RAB17: variants seen among roughly 807,000 people sequenced by gnomAD.
The protein encoded by RAB17 is RAB17, member RAS oncogene family.
Under a neutral mutation model 19.3 loss-of-function variants are expected in RAB17, and 15 were observed. The observed-to-expected ratio is 0.78, with a 90% CI of 0.52 to 1.20. The LOEUF (loss-of-function observed/expected upper bound fraction) is 1.20. Among genes scored for constraint, RAB17 ranks in the 50% most tolerant of loss-of-function variants. RAB17 has a pLI of 0.00. For missense variants in RAB17, 262 were observed against 269.3 expected (o/e 0.97, Z 0.19); for synonymous variants, 110 against 112.8 (o/e 0.97, Z 0.16).
intron 2 of RAB17, 105 bp from the exon 3 acceptor site, chr2:237,578,260 C>T: frequency 8.4e-7 from 1 of 1,195,962 alleles, no homozygotes; most frequent in Non-Finnish European, 1.2e-6. Flanking sequence ...CTCAGAGGGA[C>T]AGCTGGCCAT....
At chr2:237,585,271 GCT>G (rs376955261) in intron 2 of RAB17, 305 of 167,376 alleles carry the variant, frequency 1.8e-3, no homozygotes, top group Non-Finnish European at 3.0e-3. Flanking sequence ...TGAAACCGAG[GCT>G]CTGATTCTGC....
intron 2 of RAB17, among the ~76,000 whole-genome samples, chr2:237,581,987 A>G (rs921671898): frequency 1.6e-4 from 25 of 152,210 alleles, no homozygotes; most frequent in African/African-American, 5.8e-4. Context: ...GTCCATGGGG[A>G]GGTCCAGCCC....
intron 2 of RAB17, chr2:237,579,445 C>T (rs1406662912): frequency 6.6e-6 from 1 of 152,166 alleles, no homozygotes; most frequent in East Asian, 1.9e-4. Flanking sequence ...TCCAGGCCTC[C>T]TCCAGCTTCA....
chr2:237,577,135 A>G (rs763121142), intron 4 of RAB17, 122 bp downstream of exon 4: 2 of 1,214,424 alleles, frequency 1.6e-6, no homozygotes, highest in African/African-American at 1.5e-5. Flanking sequence ...GTGTGTGCAC[A>G]TGTGTAAGTG....
At position 237,575,055 on chromosome 2, in the gene RAB17, C is replaced by T; in HGVS notation, c.603G>A (p.Lys201=). Residue 201 remains lysine (K), a synonymous_variant, in exon 6 of 6, where the codon AAG becomes AAA. Transcript: ENST00000264601. ...AGCATTTGGCCTGCCTCGCGGGCCC[C>T]TTGTTCAGAGCCACAGCTGCATCCC... is the stretch of plus-strand genomic sequence containing the variant. ...LRGDAAVALN[K]GPARQAKCCA... is the part of the protein sequence containing the mutation. 5 of 1,613,686 alleles carry T rather than the reference C, an allele frequency of 3.1e-6. No individual in the cohort carries two copies. Among genetic ancestry groups the T allele is most frequent in the Non-Finnish European group, 4.2e-6 (5 of 1,179,838 alleles).
At position 237,574,937 on chromosome 2, in the gene RAB17, G is replaced by T; in HGVS notation, c.*82C>A. The T allele has an allele frequency of 1.8e-6, 2 of 1,128,978 alleles. No homozygotes were observed. Among genetic ancestry groups the T allele is most frequent in the South Asian group, 3.4e-5 (2 of 58,238 alleles). 69.9% of individuals were successfully genotyped at this position (1,128,978 alleles called of 1,614,324 possible). A position where few individuals can be genotyped will look rare whatever the true frequency, so the allele number is the denominator to read the frequency against. On this transcript the variant is annotated 3_prime_UTR_variant, in exon 6 of 6. Transcript: ENST00000264601. ...TAGGGCTCGGGAGCAACCCAGCATTGACAGTGAATCAGAATCCACCTAGAG... is the reference window on the plus strand; with the variant it reads ...TAGGGCTCGGGAGCAACCCAGCATTTACAGTGAATCAGAATCCACCTAGAG...
rs942715012 is a variant in RAB17 at position 237,574,630 on chromosome 2, C to T, written c.*389G>A. 1 of 1,511,886 alleles carries T rather than the reference C, an allele frequency of 6.6e-7. No homozygotes were observed. 93.7% of individuals were successfully genotyped at this position (1,511,886 alleles called of 1,614,324 possible). A position where few individuals can be genotyped will look rare whatever the true frequency, so the allele number is the denominator to read the frequency against. Reference sequence around the variant, plus strand: ...CCCCAGAAGCAGGTGGGCCCAGGCTCCAGGCCAGTGCCCCCATCAAGATCA... The same window carrying T: ...CCCCAGAAGCAGGTGGGCCCAGGCTTCAGGCCAGTGCCCCCATCAAGATCA... On this transcript the variant is annotated 3_prime_UTR_variant, in exon 6 of 6. Transcript: ENST00000264601.
intron 1 of RAB17, among the ~76,000 whole-genome samples, chr2:237,588,996 G>T (rs1464593849): frequency 1.3e-5 from 2 of 152,210 alleles, no homozygotes; most frequent in Non-Finnish European, 2.9e-5. Context: ...GAGGCAGGTG[G>T]ATCACTTGAG....
intron 1 of RAB17, among the ~76,000 whole-genome samples, chr2:237,588,884 G>A (rs986172046): frequency 2.0e-4 from 30 of 152,282 alleles, no homozygotes; most frequent in African/African-American, 6.0e-4. Context: ...GGATGCCGGC[G>A]TCTCATTCCT....
rs1005387280 is a variant in RAB17, at chr2:237,584,712, T to G, written c.157+1286A>C. Among the ~76,000 whole-genome samples the G allele has an allele frequency of 2.0e-5, 3 of 152,134 alleles. No individual in the cohort carries two copies. The East Asian group carries it at 5.8e-4, about 29-fold the overall frequency. ...AATACCAGCCACCCAGGTACAAAGC[T>G]CTCAACATCCAGGCCTGGTGAGGCC... On this transcript the variant is annotated intron_variant, in intron 2 of 5. Coordinates refer to ENST00000264601, the MANE Select transcript of RAB17 (RefSeq NM_022449.4).
chr2:237,584,696 C>G (rs1049667413), intron 2 of RAB17, among the ~76,000 whole-genome samples: 3 of 152,186 alleles, frequency 2.0e-5, no homozygotes, highest in African/African-American at 7.2e-5. Context: ...GAATACCAGC[C>G]ACCCAGGTAC....
chr2:237,576,772 A>G lies in RAB17; in HGVS notation c.435+485T>C, dbSNP rs1293556951. The stretch of plus-strand genomic sequence containing the variant: ...GTGACCGCTGCCTCTGCCTGTAAGG[A>G]GGACTGACAAAACTCGAGTGAAGGA... On this transcript the variant is annotated intron_variant, in intron 4 of 5. Transcript: ENST00000264601. 7 of 468,820 alleles carry G rather than the reference A, an allele frequency of 1.5e-5. No individual in the cohort carries two copies. In the East Asian group the frequency reaches 4.9e-4, roughly 33 times the overall value. The allele number at this position is 468,820 out of a possible 1,614,324, so 29.0% of individuals were successfully genotyped here.
At chr2:237,579,692 C>T (rs148578981) in intron 2 of RAB17, 1 of 148,926 alleles carries the variant, frequency 6.7e-6, no homozygotes, top group Non-Finnish European at 1.5e-5. Context: ...ACTTAATCGC[C>T]TCTTTACGGG....
At chr2:237,575,605 G>A (rs994623927) in intron 4 of RAB17, 125 bp from the exon 5 acceptor site, 23 of 707,498 alleles carry the variant, frequency 3.3e-5, no homozygotes, top group East Asian at 8.3e-5. Flanking sequence ...TCCACGTTTC[G>A]TGTCCAAGTT....
At chr2:237,583,498 C>T (rs1054922324) in intron 2 of RAB17, among the ~76,000 whole-genome samples, 3 of 152,246 alleles carry the variant, frequency 2.0e-5, no homozygotes, top group Non-Finnish European at 2.9e-5. Flanking sequence ...AAGGAAGGAG[C>T]TTCCACATTT....
intron 2 of RAB17, chr2:237,578,933 ACACACAC>A (rs1260314261): frequency 6.7e-6 from 1 of 148,886 alleles, no homozygotes; most frequent in Non-Finnish European, 1.5e-5. Flanking sequence ...ACACACACAC[ACACACAC>A]AACTACTCCC....
At chr2:237,578,325 T>C in intron 2 of RAB17, 170 bp from the exon 3 acceptor site, 1 of 620,492 alleles carries the variant, frequency 1.6e-6, no homozygotes. Context: ...TTCTGGGAGA[T>C]GGAGCCTTCC....
rs776807116 is a variant in RAB17, at chr2:237,586,068, G to A, written c.87C>T (p.Ser29=). ...VFKLVLLGSG[S]VGKSSLALRY... is the part of the protein sequence containing the mutation. Reference sequence around the variant, plus strand: ...GAAGAGCCAAGCTGGACTTACCCACGGAGCCACTTCCCAGGAGAACCAGCT... The same window carrying A: ...GAAGAGCCAAGCTGGACTTACCCACAGAGCCACTTCCCAGGAGAACCAGCT... Residue 29 remains serine, a synonymous_variant, in exon 2 of 6, where the codon TCC becomes TCT. Transcript: ENST00000264601. The A allele has an allele frequency of 3.5e-5, 57 of 1,613,436 alleles. No homozygotes were observed. The East Asian group carries it at 4.2e-4, about 12-fold the overall frequency.
In RAB17 at chr2:237,577,478, T is replaced by C. The variant is rs2081274959; in HGVS notation, c.310-96A>G. 8 of 1,401,560 alleles carry C rather than the reference T, an allele frequency of 5.7e-6. No individual in the cohort carries two copies. In the South Asian group the frequency reaches 8.2e-5, roughly 14 times the overall value. The allele number at this position is 1,401,560 out of a possible 1,614,324, so 86.8% of individuals were successfully genotyped here. On this transcript the variant is annotated intron_variant, in intron 3 of 5. Coordinates refer to ENST00000264601, the MANE Select transcript of RAB17 (RefSeq NM_022449.4). ...AGCCAGTGTTGCTGATCACGTTGTG[T>C]AAAATGTCACAGAATCCAACTGGCC...
Sources: allele counts gnomAD v4.1 joint callset (sites outside exome capture counted in the v4.1 genomes callset), GRCh38; gene constraint gnomAD v4.1.1; transcripts MANE v1.5; gene names NCBI Gene and HGNC (gene_info 2026-07-23, HGNC 2026-07-21).